Variants in SKAP1 observed in about 807,000 individuals in gnomAD.
SKAP1 encodes src kinase-associated phosphoprotein 1.
SKAP1 carries 44 observed loss-of-function variants against 58.5 expected under a neutral mutation model. That is an observed-to-expected ratio of 0.75 (90% CI 0.59 to 0.97). The LOEUF (loss-of-function observed/expected upper bound fraction) is 0.97. Ranked by LOEUF, SKAP1 falls within the 50% of genes least tolerant of loss-of-function variation. SKAP1 has a pLI of 0.00. For missense variants in SKAP1, 390 were observed against 435.2 expected (o/e 0.90, Z 0.92); for synonymous variants, 127 against 149.7 (o/e 0.85, Z 1.11).
At chr17:48,371,444 A>C (rs1471107674) in intron 2 of SKAP1, among the ~76,000 whole-genome samples, 2 of 152,036 alleles carry the variant, frequency 1.3e-5, no homozygotes, top group African/African-American at 2.4e-5. Flanking sequence ...AAGTACTCAG[A>C]GCTTTATTCC....
chr17:48,276,140 T>C (rs746153414), intron 4 of SKAP1, among the ~76,000 whole-genome samples: 1 of 152,150 alleles, frequency 6.6e-6, no homozygotes, highest in Non-Finnish European at 1.5e-5. Flanking sequence ...AATAACCATA[T>C]GATTCACAAC....
Position 48,227,970 on chromosome 17 carries a change from G to A in SKAP1, c.281-38470C>T, listed in dbSNP as rs148330999. Reference sequence around the variant, plus strand: ...TGGTTAAATAAATAAAAATATTGGAGCTACAAAGTCTCTCATTCATTTCAA... The same window carrying A: ...TGGTTAAATAAATAAAAATATTGGAACTACAAAGTCTCTCATTCATTTCAA... On this transcript the variant is annotated intron_variant, in intron 4 of 12. Transcript: ENST00000336915. 1.8e-4 allele frequency among the ~76,000 whole-genome samples: 28 copies of A among 152,264 alleles called. No individual in the cohort carries two copies. In the East Asian group the frequency reaches 5.4e-3, roughly 29 times the overall value.
At chr17:48,376,720 C>T (rs1259083031) in intron 2 of SKAP1, among the ~76,000 whole-genome samples, 1 of 152,218 alleles carries the variant, frequency 6.6e-6, no homozygotes, top group Non-Finnish European at 1.5e-5. Context: ...TTGCCAGACA[C>T]TCTGTGAGGG....
chr17:48,153,370 C>T (rs575230402), intron 11 of SKAP1, among the ~76,000 whole-genome samples: 8 of 152,098 alleles, frequency 5.3e-5, no homozygotes, highest in East Asian at 1.9e-4. Flanking sequence ...TTGTTCTAGA[C>T]GATTGGTTCC....
intron 4 of SKAP1, among the ~76,000 whole-genome samples, chr17:48,228,281 T>C (rs2065091023): frequency 1.3e-5 from 2 of 152,160 alleles, no homozygotes; most frequent in Non-Finnish European, 2.9e-5. Flanking sequence ...AAATACTTAA[T>C]TTTTTCACAC....
intron 4 of SKAP1, among the ~76,000 whole-genome samples, chr17:48,242,031 TC>T (rs1156678690): frequency 1.3e-5 from 2 of 152,216 alleles, no homozygotes; most frequent in African/African-American, 4.8e-5. Context: ...AGACAGCATT[TC>T]CTGCTTGAAG....
At chr17:48,180,354 A>G in intron 8 of SKAP1, 106 bp from the exon 9 acceptor site, 1 of 801,516 alleles carries the variant, frequency 1.2e-6, no homozygotes, top group Non-Finnish European at 1.9e-6. Context: ...AAATATGTCA[A>G]ATGAAAATGA....
intron 4 of SKAP1, among the ~76,000 whole-genome samples, chr17:48,257,281 C>T (rs2065433895): frequency 6.6e-6 from 1 of 152,074 alleles, no homozygotes. Context: ...GATGTATTTT[C>T]TGTTAACATA....
chr17:48,202,806 T>C (rs747541695), intron 4 of SKAP1, among the ~76,000 whole-genome samples: 1 of 152,198 alleles, frequency 6.6e-6, no homozygotes, highest in Non-Finnish European at 1.5e-5. Context: ...AAAACTTTAG[T>C]ACCAAATACA....
intron 4 of SKAP1, among the ~76,000 whole-genome samples, chr17:48,331,189 GCTA>G (rs2066501639): frequency 1.3e-5 from 2 of 152,120 alleles, no homozygotes; most frequent in African/African-American, 4.8e-5. Flanking sequence ...GATTGTTTTA[GCTA>G]CTTCTTTTGA....
intron 4 of SKAP1, among the ~76,000 whole-genome samples, chr17:48,229,339 G>A (rs899712545): frequency 3.2e-4 from 48 of 152,090 alleles, no homozygotes; most frequent in Admixed American, 6.5e-4. Flanking sequence ...AACATTTGCG[G>A]GCCTGGCGTG....
chr17:48,180,921 A>G (rs1457123775), intron 8 of SKAP1, among the ~76,000 whole-genome samples: 1 of 152,170 alleles, frequency 6.6e-6, no homozygotes, highest in Non-Finnish European at 1.5e-5. Flanking sequence ...TTGAGCCATT[A>G]CAGCACTGGG....
intron 4 of SKAP1, among the ~76,000 whole-genome samples, chr17:48,306,932 A>C (rs146523745): frequency 6.4e-4 from 98 of 152,338 alleles, no homozygotes; most frequent in African/African-American, 2.3e-3. Context: ...AAAATATTAG[A>C]TCTGATAGGG....
intron 9 of SKAP1, among the ~76,000 whole-genome samples, chr17:48,179,017 A>G (rs765891499): frequency 2.0e-5 from 3 of 151,966 alleles, no homozygotes; most frequent in Admixed American, 6.6e-5. Context: ...TGCAGTGTGG[A>G]GAGGGTTGGA....
At chr17:48,288,112 CTAAT>C (rs778987342) in intron 4 of SKAP1, among the ~76,000 whole-genome samples, 15 of 152,048 alleles carry the variant, frequency 9.9e-5, no homozygotes, top group Non-Finnish European at 1.2e-4. Flanking sequence ...ATTGAATTCT[CTAAT>C]TGATTATTTG....
chr17:48,363,827 G>T lies in SKAP1; in HGVS notation c.153-13C>A, dbSNP rs1209588492. On this transcript the variant is annotated splice_polypyrimidine_tract_variant and intron_variant, in intron 2 of 12. Transcript: ENST00000336915. ...ATCCCAATAGTACCTGAAATACAAGGGGGAAAAAAAAAGGGAATAAGTCAA... is the reference window on the plus strand; with the variant it reads ...ATCCCAATAGTACCTGAAATACAAGTGGGAAAAAAAAAGGGAATAAGTCAA... 6.3e-7 allele frequency: 1 copy of T among 1,599,778 alleles called. No individual in the cohort carries two copies. Among genetic ancestry groups the T allele is most frequent in the Non-Finnish European group, 8.5e-7 (1 of 1,173,676 alleles).
At chr17:48,171,991 C>T (rs1567804708) in intron 9 of SKAP1, among the ~76,000 whole-genome samples, 1 of 152,102 alleles carries the variant, frequency 6.6e-6, no homozygotes, top group Non-Finnish European at 1.5e-5. Flanking sequence ...ATCCAGGAGG[C>T]AGAGGTTGCA....
chr17:48,274,232 T>G (rs574034250), intron 4 of SKAP1, among the ~76,000 whole-genome samples: 28 of 151,888 alleles, frequency 1.8e-4, no homozygotes, highest in African/African-American at 6.5e-4. Context: ...CTGTCTCTAT[T>G]AAAAATACAA....
chr17:48,402,144 A>T (rs2067505916), intron 1 of SKAP1, among the ~76,000 whole-genome samples: 2 of 152,208 alleles, frequency 1.3e-5, no homozygotes, highest in South Asian at 4.1e-4. Context: ...ATGTAGAAAA[A>T]TTGGAAACCT....
Sources: gnomAD v4.1 joint callset for allele counts (sites outside exome capture counted in the v4.1 genomes callset) on GRCh38, gnomAD v4.1.1 for gene constraint, MANE v1.5 for transcripts, NCBI Gene and HGNC (gene_info 2026-07-23, HGNC 2026-07-21) for gene names.